DYSF: variants seen among roughly 807,000 people sequenced by gnomAD.
The protein encoded by DYSF is dystrophy-associated fer-1-like 1.
DYSF carries 212 observed loss-of-function variants against 274.9 expected under a neutral mutation model. The observed-to-expected ratio is 0.77, with a 90% CI of 0.69 to 0.86. The LOEUF (loss-of-function observed/expected upper bound fraction) is 0.86. Ranked by LOEUF, DYSF falls within the 40% of genes least tolerant of loss-of-function variation. DYSF has a pLI of 0.00. For missense variants in DYSF, 2,666 were observed against 2,783.2 expected (o/e 0.96, Z 0.95); for synonymous variants, 1,091 against 1,078.7 (o/e 1.01, Z -0.22).
At chr2:71,473,687 A>G (rs1469382142) in intron 1 of DYSF, among the ~76,000 whole-genome samples, 1 of 152,200 alleles carries the variant, frequency 6.6e-6, no homozygotes, top group Non-Finnish European at 1.5e-5. Flanking sequence ...ACCTGTGTCC[A>G]TTCCATTTCC....
chr2:71,566,022 G>T (rs549291037), intron 24 of DYSF, among the ~76,000 whole-genome samples: 154 of 152,318 alleles, frequency 1.0e-3, no homozygotes, highest in Middle Eastern at 6.8e-3. Context: ...TTGGGCAGCA[G>T]GCTGCCCCCA....
At position 71,499,742 on chromosome 2, in the gene DYSF, C is replaced by T. The variant is rs773856427; in HGVS notation, c.240-3472C>T. Among the ~76,000 whole-genome samples the T allele has an allele frequency of 6.6e-5, 10 of 152,102 alleles. No individual in the cohort carries two copies. In the South Asian group the frequency reaches 1.2e-3, roughly 19 times the overall value. On this transcript the variant is annotated intron_variant, in intron 3 of 55. Coordinates refer to ENST00000410020, the MANE Select transcript of DYSF (RefSeq NM_001130987.2). ...TTCTTTGGGTTGGCAGCGGCTCTTTCGGTCCCCACACTTCTCCACCCCCCA... is the reference window on the plus strand; with the variant it reads ...TTCTTTGGGTTGGCAGCGGCTCTTTTGGTCCCCACACTTCTCCACCCCCCA...
intron 42 of DYSF, among the ~76,000 whole-genome samples, chr2:71,644,763 G>T (rs1467357475): frequency 3.9e-5 from 6 of 152,216 alleles, no homozygotes; most frequent in African/African-American, 1.2e-4. Context: ...CTCCTTAAAG[G>T]AGTTGCATGG....
At chr2:71,558,744 G>A (rs1301400232) in intron 22 of DYSF, among the ~76,000 whole-genome samples, 1 of 152,170 alleles carries the variant, frequency 6.6e-6, no homozygotes, top group Non-Finnish European at 1.5e-5. Context: ...CCTCCCAGCA[G>A]GGAGGCTGGT....
At chr2:71,658,350 T>G (rs2094814143) in intron 43 of DYSF, among the ~76,000 whole-genome samples, 1 of 152,234 alleles carries the variant, frequency 6.6e-6, no homozygotes, top group Non-Finnish European at 1.5e-5. Flanking sequence ...AGTTCCATAG[T>G]TTTCCACGTT....
intron 4 of DYSF, among the ~76,000 whole-genome samples, chr2:71,507,529 CT>C (rs1298894233): frequency 6.6e-6 from 1 of 152,172 alleles, no homozygotes; most frequent in Non-Finnish European, 1.5e-5. Context: ...GGGCAGGGAC[CT>C]TTGCCTTATT....
intron 41 of DYSF, among the ~76,000 whole-genome samples, chr2:71,642,533 A>G (rs1450155853): frequency 1.3e-5 from 2 of 152,198 alleles, no homozygotes; most frequent in Admixed American, 1.3e-4. Context: ...CAAGTCAGAA[A>G]GCTCTGCCAT....
chr2:71,476,258 G>A (rs189897881), intron 1 of DYSF, among the ~76,000 whole-genome samples: 13 of 152,204 alleles, frequency 8.5e-5, no homozygotes, highest in East Asian at 7.7e-4. Context: ...ATCACTAATC[G>A]AGGCCTTGGC....
At chr2:71,644,089 T>G in intron 42 of DYSF, 26 bp downstream of exon 42, 1 of 1,583,904 alleles carries the variant, frequency 6.3e-7, no homozygotes. Context: ...AGTCTGACAG[T>G]CGGTGTGTGT....
chr2:71,579,294 T>C (rs765076836), intron 30 of DYSF, among the ~76,000 whole-genome samples: 4 of 152,094 alleles, frequency 2.6e-5, no homozygotes, highest in Admixed American at 6.5e-5. Flanking sequence ...GCTTGAGTGT[T>C]GGGAAAGGTT....
intron 8 of DYSF, 37 bp downstream of exon 8, chr2:71,515,788 G>C (rs1049256320): frequency 3.2e-5 from 51 of 1,613,098 alleles, no homozygotes; most frequent in Non-Finnish European, 4.1e-5. Flanking sequence ...GAACCTTGGT[G>C]GGCCTTCCAA....
At chr2:71,548,745 T>G (rs1050275872) in intron 17 of DYSF, among the ~76,000 whole-genome samples, 3 of 152,206 alleles carry the variant, frequency 2.0e-5, no homozygotes, top group Admixed American at 6.5e-5. Flanking sequence ...AAGCGGCCTG[T>G]GTCAGAAGCC....
chr2:71,537,725 C>T (rs912755861), intron 16 of DYSF, among the ~76,000 whole-genome samples: 1 of 152,088 alleles, frequency 6.6e-6, no homozygotes, highest in Non-Finnish European at 1.5e-5. Context: ...GATTAGGGTA[C>T]CTTGTAGGGT....
chr2:71,570,146 G>A (rs958467120), intron 27 of DYSF, 83 bp from the exon 28 acceptor site: 29 of 1,310,508 alleles, frequency 2.2e-5, no homozygotes, highest in Non-Finnish European at 2.7e-5. Flanking sequence ...GAGGACGTAT[G>A]TTGTCAAGTT....
intron 42 of DYSF, among the ~76,000 whole-genome samples, chr2:71,649,534 A>G (rs908385824): frequency 6.6e-6 from 1 of 152,196 alleles, no homozygotes; most frequent in South Asian, 2.1e-4. Flanking sequence ...CATAAATACT[A>G]TGCCTAAAGA....
Position 71,589,491 on chromosome 2 carries a change from G to A in DYSF, c.3403-102G>A, listed in dbSNP as rs897051595. ...GGCTGAGAGTTCAGCTTTCGGCAGC[G>A]GAGAGATCTCCTGGCCCTGGGGATC... On this transcript the variant is annotated intron_variant, in intron 30 of 55. Coordinates refer to ENST00000410020, the MANE Select transcript of DYSF (RefSeq NM_001130987.2). 22 of 914,030 alleles carry A rather than the reference G, an allele frequency of 2.4e-5. 1 individual carries two copies. The highest frequency in any genetic ancestry group is 1.7e-4 in the South Asian group (13 of 76,972). 56.6% of individuals were successfully genotyped at this position (914,030 alleles called of 1,614,324 possible). A position where few individuals can be genotyped will look rare whatever the true frequency, so the allele number is the denominator to read the frequency against.
At chr2:71,668,561 CAAGT>C (rs1321905710) in intron 48 of DYSF, among the ~76,000 whole-genome samples, 189 bp from the exon 49 acceptor site, 1 of 152,198 alleles carries the variant, frequency 6.6e-6, no homozygotes, top group African/African-American at 2.4e-5. Context: ...GGCACAGGCC[CAAGT>C]CAGAGGCCTG....
At chr2:71,561,623 G>C in intron 22 of DYSF, 129 bp from the exon 23 acceptor site, 2 of 1,028,246 alleles carry the variant, frequency 1.9e-6, no homozygotes, top group Non-Finnish European at 3.0e-6. Context: ...TGTGGAGCGG[G>C]CTGGAGAAGG....
chr2:71,511,158 C>T (rs761861779), intron 4 of DYSF, among the ~76,000 whole-genome samples: 1 of 152,190 alleles, frequency 6.6e-6, no homozygotes, highest in African/African-American at 2.4e-5. Flanking sequence ...CCGACCTCGC[C>T]TGTGAGGGAT....
Sources: allele counts gnomAD v4.1 joint callset (sites outside exome capture counted in the v4.1 genomes callset), GRCh38; gene constraint gnomAD v4.1.1; transcripts MANE v1.5; gene names NCBI Gene and HGNC (gene_info 2026-07-23, HGNC 2026-07-21).